Variants in SRP54 observed in about 807,000 individuals in gnomAD.
The protein encoded by SRP54 is signal recognition particle 54.
In SRP54, 10 loss-of-function variants were observed where a neutral mutation model predicts 64.8. The observed-to-expected ratio is 0.15, with a 90% confidence interval of 0.10 to 0.26. The LOEUF (loss-of-function observed/expected upper bound fraction) is 0.26. Ranked by LOEUF, SRP54 falls within the 10% of genes least tolerant of loss-of-function variation. The pLI is 1.00. For missense variants in SRP54, 325 were observed against 613.7 expected, an observed-to-expected ratio of 0.53 and a Z score of 4.97; for synonymous variants, 193 against 185.6, an observed-to-expected ratio of 1.04 and a Z score of -0.32.
chr14:35,004,467 A>G (rs2138990735), intron 4 of SRP54: 1 of 152,358 alleles, frequency 6.6e-6, no homozygotes, highest in South Asian at 2.1e-4. Flanking sequence ...ATCATTTACC[A>G]GTATAAGATT....
At chr14:35,009,079 G>A (rs1362365089) in intron 7 of SRP54, among the ~76,000 whole-genome samples, 1 of 151,766 alleles carries the variant, frequency 6.6e-6, no homozygotes, top group Non-Finnish European at 1.5e-5. Flanking sequence ...GTAGAGACAG[G>A]GTTTTACCAT....
At position 35,027,847 on chromosome 14, in the gene SRP54, TAAA is replaced by T. The variant is rs1161435919; in HGVS notation, c.1328-237_1328-235del. On this transcript the variant is annotated intron_variant, in intron 14 of 15. Coordinates refer to ENST00000216774, the MANE Select transcript of SRP54 (RefSeq NM_003136.4). ...AAAGTATTAGCATAAATCGTAGCCT[TAAA>T]AAAGCCTTTTATATGTCCTTTTATA... is the stretch of plus-strand genomic sequence containing the variant. The T allele has an allele frequency of 1.4e-5, 4 of 287,074 alleles. No individual in the cohort carries two copies. The East Asian group carries it at 1.8e-4, about 13-fold the overall frequency. The allele number at this position is 287,074 out of a possible 1,614,324, so 17.8% of individuals were successfully genotyped here.
At chr14:34,993,862 A>C (rs1423402519) in intron 1 of SRP54, among the ~76,000 whole-genome samples, 1 of 151,572 alleles carries the variant, frequency 6.6e-6, no homozygotes, top group Admixed American at 6.6e-5. Flanking sequence ...TACCTGGCTA[A>C]TTTTGTATTT....
intron 4 of SRP54, among the ~76,000 whole-genome samples, chr14:35,001,635 C>G (rs181152092): frequency 1.5e-3 from 232 of 152,218 alleles, no homozygotes; most frequent in African/African-American, 5.5e-3. Flanking sequence ...TAGTGATGGT[C>G]CTGCTTTTGT....
chr14:35,005,194 A>T (rs942610810), intron 4 of SRP54, among the ~76,000 whole-genome samples: 9 of 152,188 alleles, frequency 5.9e-5, no homozygotes, highest in African/African-American at 1.9e-4. Flanking sequence ...TTAGCCAGAC[A>T]TCATGGCATA....
At chr14:35,019,145 T>A (rs1479529597) in intron 13 of SRP54, 71 bp downstream of exon 13, 2 of 1,077,522 alleles carry the variant, frequency 1.9e-6, no homozygotes, top group African/African-American at 3.1e-5. Context: ...TTCACTGTAT[T>A]CTTGTGGACA....
At chr14:34,990,719 A>G (rs926911449) in intron 1 of SRP54, among the ~76,000 whole-genome samples, 1 of 152,238 alleles carries the variant, frequency 6.6e-6, no homozygotes, top group African/African-American at 2.4e-5. Context: ...ACTTTAGTGT[A>G]CATATTAGAA....
rs187915450 is a variant in SRP54 at position 35,027,106 on chromosome 14, T to G, written c.1328-982T>G. ...GTACAGTGGTGCGATCTTGATTCAC[T>G]GCAACCTCCGCCTCCCGGATTCAAG... is the stretch of plus-strand genomic sequence containing the variant. On this transcript the variant is annotated intron_variant, in intron 14 of 15. Coordinates refer to ENST00000216774, the MANE Select transcript of SRP54 (RefSeq NM_003136.4). 5.9e-3 allele frequency among the ~76,000 whole-genome samples: 884 copies of G among 149,364 alleles called. 3 individuals are homozygous for G. The highest frequency in any genetic ancestry group is 0.017 in the Middle Eastern group (5 of 290).
chr14:34,985,995 T>C (rs2043889454), intron 1 of SRP54, among the ~76,000 whole-genome samples: 1 of 152,210 alleles, frequency 6.6e-6, no homozygotes, highest in South Asian at 2.1e-4. Context: ...AGGAATTCTT[T>C]TGATTTTCGT....
chr14:35,010,586 G>A (rs758350858), intron 7 of SRP54, among the ~76,000 whole-genome samples: 1 of 152,084 alleles, frequency 6.6e-6, no homozygotes, highest in East Asian at 1.9e-4. Flanking sequence ...CCAACATGGT[G>A]AAACCCCGTC....
At position 35,029,228 on chromosome 14, in the gene SRP54, G is replaced by T; in HGVS notation, c.*76G>T. 9.1e-7 allele frequency: 1 copy of T among 1,099,822 alleles called. No homozygotes were observed. The highest frequency in any genetic ancestry group is 2.7e-5 in the East Asian group (1 of 36,962). 68.1% of individuals were successfully genotyped at this position (1,099,822 alleles called of 1,614,324 possible). A position where few individuals can be genotyped will look rare whatever the true frequency, so the allele number is the denominator to read the frequency against. ...ACCTCAGCGTTTCCCTTCTTTTTGC[G>T]AATTGGGGGGAAAGTGTATTTTTCT... On this transcript the variant is annotated 3_prime_UTR_variant, in exon 16 of 16. Transcript: ENST00000216774.
intron 1 of SRP54, among the ~76,000 whole-genome samples, chr14:34,994,381 A>G (rs1361829087): frequency 2.6e-5 from 4 of 152,166 alleles, no homozygotes; most frequent in Non-Finnish European, 5.9e-5. Context: ...ATTAGACTAC[A>G]TTAGTTTGGA....
chr14:35,002,409 C>T (rs1259419096), intron 4 of SRP54, among the ~76,000 whole-genome samples: 5 of 151,400 alleles, frequency 3.3e-5, no homozygotes, highest in African/African-American at 9.7e-5. Flanking sequence ...ACTAGTTCTA[C>T]AATCATTTTT....
chr14:35,001,795 C>T (rs576156681), intron 4 of SRP54, among the ~76,000 whole-genome samples: 1 of 152,144 alleles, frequency 6.6e-6, no homozygotes, highest in African/African-American at 2.4e-5. Context: ...TAAATATAGC[C>T]AGTTGCCCTG....
intron 1 of SRP54, among the ~76,000 whole-genome samples, chr14:34,984,110 T>A (rs1377808836): frequency 6.6e-6 from 1 of 152,166 alleles, no homozygotes; most frequent in Non-Finnish European, 1.5e-5. Context: ...CAAATCGCTT[T>A]TTCTCAGTTT....
At position 35,014,290 on chromosome 14, in the gene SRP54, T is replaced by TTTTTTTTTTTTTTGTTTTG. The variant is rs376712278; in HGVS notation, c.886+392_886+393insTTTTTTTTTGTTTTGTTTT. ...TGCCACTTAACTTTTTTTTTTTTTT[T>TTTTTTTTTTTTTTGTTTTG]TTTTGAGACGGAGTTTCGCTCTTGT... is the stretch of plus-strand genomic sequence containing the variant. On this transcript the variant is annotated intron_variant, in intron 10 of 15. Coordinates refer to ENST00000216774, the MANE Select transcript of SRP54 (RefSeq NM_003136.4). Among the ~76,000 whole-genome samples the TTTTTTTTTTTTTTGTTTTG allele has an allele frequency of 2.7e-4, 35 of 127,326 alleles. No individual in the cohort carries two copies. The East Asian group carries it at 4.4e-3, about 16-fold the overall frequency. The allele number at this position is 127,326 out of a possible 152,430, so 83.5% of individuals were successfully genotyped here.
chr14:34,991,127 T>G (rs201364636), intron 1 of SRP54, among the ~76,000 whole-genome samples: 1,682 of 123,180 alleles, frequency 0.014, 24 homozygotes, highest in Non-Finnish European at 0.018. Context: ...TTTTTTTTTT[T>G]TTGTTGTTGT....
At chr14:34,990,643 C>T (rs1196274843) in intron 1 of SRP54, among the ~76,000 whole-genome samples, 2 of 139,034 alleles carry the variant, frequency 1.4e-5, no homozygotes, top group Non-Finnish European at 3.2e-5. Flanking sequence ...TGAGAGTGTA[C>T]TTGAATTGTA....
At chr14:35,019,953 CG>C (rs2139018550) in intron 13 of SRP54, among the ~76,000 whole-genome samples, 1 of 152,240 alleles carries the variant, frequency 6.6e-6, no homozygotes, top group East Asian at 1.9e-4. Context: ...GAGGCTGAGG[CG>C]GGCGGATCAC....
Sources: gnomAD v4.1 joint callset for allele counts (sites outside exome capture counted in the v4.1 genomes callset) on GRCh38, gnomAD v4.1.1 for gene constraint, MANE v1.5 for transcripts, NCBI Gene and HGNC (gene_info 2026-07-23, HGNC 2026-07-21) for gene names.